KCNH1: variants seen among roughly 807,000 people sequenced by gnomAD.
KCNH1 encodes potassium voltage-gated channel subfamily H member 1.
In KCNH1, 27 loss-of-function variants were observed where a neutral mutation model predicts 69.2. The ratio of observed to expected loss-of-function variants is 0.39; its 90% confidence interval spans 0.29 to 0.54. KCNH1 has a LOEUF of 0.54. Among genes scored for constraint, KCNH1 ranks in the 20% least tolerant of loss-of-function variants. KCNH1 has a pLI of 0.68. For missense variants in KCNH1, 798 were observed against 1,261.6 expected (o/e 0.63, Z 5.57); for synonymous variants, 456 against 487.7 (o/e 0.93, Z 0.86).
At chr1:211,054,611 T>C (rs74524882) in intron 5 of KCNH1, among the ~76,000 whole-genome samples, 3 of 152,036 alleles carry the variant, frequency 2.0e-5, no homozygotes, top group Non-Finnish European at 4.4e-5. Flanking sequence ...AAAACTAAAA[T>C]GCTAGATAAC....
chr1:211,048,429 G>A (rs1690132156), intron 5 of KCNH1, among the ~76,000 whole-genome samples: 1 of 152,108 alleles, frequency 6.6e-6, no homozygotes, highest in African/African-American at 2.4e-5. Flanking sequence ...TATGGAACCA[G>A]CCCAAATGCC....
At chr1:210,830,712 C>T (rs1176225801) in intron 7 of KCNH1, among the ~76,000 whole-genome samples, 4 of 152,288 alleles carry the variant, frequency 2.6e-5, no homozygotes, top group East Asian at 3.9e-4. Context: ...CTGAGTCATT[C>T]GGACCATAAT....
intron 6 of KCNH1, among the ~76,000 whole-genome samples, chr1:210,922,925 C>CA (rs1169796605): frequency 6.6e-6 from 1 of 152,222 alleles, no homozygotes; most frequent in Non-Finnish European, 1.5e-5. Context: ...AATCATCTTT[C>CA]AAACAGTTCT....
At chr1:211,027,347 TC>T (rs1689702209) in intron 5 of KCNH1, among the ~76,000 whole-genome samples, 1 of 152,112 alleles carries the variant, frequency 6.6e-6, no homozygotes, top group Admixed American at 6.5e-5. Flanking sequence ...GGCTCATGTC[TC>T]TAATCCTAAC....
intron 7 of KCNH1, among the ~76,000 whole-genome samples, chr1:210,882,969 G>A (rs1388545804): frequency 1.3e-5 from 2 of 152,164 alleles, no homozygotes; most frequent in Non-Finnish European, 1.5e-5. Context: ...GAAGTATGCA[G>A]CCACAGGAAT....
chr1:210,955,352 T>C (rs1688150503), intron 6 of KCNH1, among the ~76,000 whole-genome samples: 1 of 152,226 alleles, frequency 6.6e-6, no homozygotes, highest in Non-Finnish European at 1.5e-5. Context: ...TCCAGCTTTG[T>C]TCTTTTGGCT....
intron 6 of KCNH1, among the ~76,000 whole-genome samples, chr1:210,982,112 G>T (rs1472727974): frequency 6.6e-6 from 1 of 151,926 alleles, no homozygotes; most frequent in Non-Finnish European, 1.5e-5. Flanking sequence ...CTTTCAAAAA[G>T]TCAATTGCTC....
intron 6 of KCNH1, among the ~76,000 whole-genome samples, chr1:210,959,027 G>C (rs550623798): frequency 6.6e-6 from 1 of 152,254 alleles, no homozygotes; most frequent in African/African-American, 2.4e-5. Context: ...TTCTGCTCTG[G>C]TTTCTCCCCA....
At chr1:210,897,202 G>A (rs1236080820) in intron 7 of KCNH1, among the ~76,000 whole-genome samples, 2 of 152,210 alleles carry the variant, frequency 1.3e-5, no homozygotes, top group African/African-American at 2.4e-5. Flanking sequence ...CTTCAAGTTA[G>A]TGAGGGACCA....
rs368415356 is a variant in KCNH1 at position 210,806,602 on chromosome 1, T to C, written c.1463-2436A>G. Among the ~76,000 whole-genome samples, 5 of 130,856 alleles carry C rather than the reference T, an allele frequency of 3.8e-5. No homozygotes were observed. The East Asian group carries it at 7.0e-4, about 18-fold the overall frequency. 85.8% of individuals were successfully genotyped at this position (130,856 alleles called of 152,430 possible). A position where few individuals can be genotyped will look rare whatever the true frequency, so the allele number is the denominator to read the frequency against. On this transcript the variant is annotated intron_variant, in intron 7 of 10. Coordinates refer to ENST00000271751, the MANE Select transcript of KCNH1 (RefSeq NM_172362.3). ...CTTTTGTACTCTTCTTTGGTTTATT[T>C]GATTCAGCGTATTTTGGGATTCATC...
At chr1:210,819,731 G>A (rs185615945) in intron 7 of KCNH1, among the ~76,000 whole-genome samples, 165 of 152,260 alleles carry the variant, frequency 1.1e-3, no homozygotes, top group Non-Finnish European at 2.0e-3. Flanking sequence ...TAGTGTTGTT[G>A]TTGATGAAAT....
chr1:210,972,125 T>G (rs1688522313), intron 6 of KCNH1, among the ~76,000 whole-genome samples: 1 of 152,114 alleles, frequency 6.6e-6, no homozygotes, highest in Admixed American at 6.6e-5. Flanking sequence ...CAGAGGGGTT[T>G]TTTTCCCTAT....
intron 7 of KCNH1, among the ~76,000 whole-genome samples, chr1:210,888,836 C>G (rs569127089): frequency 2.8e-4 from 42 of 152,200 alleles, no homozygotes; most frequent in African/African-American, 8.7e-4. Context: ...ACATATACCC[C>G]CCCAAGACTA....
intron 6 of KCNH1, among the ~76,000 whole-genome samples, chr1:210,957,798 T>C (rs1413947249): frequency 1.3e-5 from 2 of 152,194 alleles, no homozygotes; most frequent in African/African-American, 4.8e-5. Context: ...ATTTTGGGCC[T>C]ATGTGTGTCT....
At chr1:211,093,678 C>T (rs1022877563) in intron 3 of KCNH1, among the ~76,000 whole-genome samples, 1 of 152,230 alleles carries the variant, frequency 6.6e-6, no homozygotes, top group Non-Finnish European at 1.5e-5. Context: ...TCAGGACATA[C>T]TGCCTTAGAG....
chr1:210,972,606 A>G, intron 6 of KCNH1, among the ~76,000 whole-genome samples: 1 of 152,170 alleles, frequency 6.6e-6, no homozygotes, highest in East Asian at 1.9e-4. Context: ...AAAATGATAG[A>G]TTTTAAAAAT....
intron 7 of KCNH1, among the ~76,000 whole-genome samples, chr1:210,826,270 C>G (rs1685030393): frequency 6.6e-6 from 1 of 152,138 alleles, no homozygotes; most frequent in African/African-American, 2.4e-5. Context: ...CCAGACCCAT[C>G]ATCAGTAGGC....
intron 7 of KCNH1, chr1:210,860,851 CA>C: frequency 1.1e-6 from 1 of 918,272 alleles, no homozygotes; most frequent in Non-Finnish European, 1.8e-6. Flanking sequence ...AAGTACTCAG[CA>C]AGCCCTTGCT....
At position 210,684,004 on chromosome 1, in the gene KCNH1, C is replaced by T. The variant is rs1681344455; in HGVS notation, c.2247G>A (p.Glu749=). The change falls in exon 11 of 11, where the codon GAG becomes GAA. Residue 749 remains glutamate (E), a synonymous_variant. Transcript: ENST00000271751. ...CCCCTCTCTCAGCTGCCAGCCTGGC[C>T]TCTTTCTGCTGTCGGAATCTCTGGA... is the stretch of plus-strand genomic sequence containing the variant. The part of the protein sequence containing the change: ...RLFQRFRQQK[E]ARLAAERGGR... The T allele has an allele frequency of 8.8e-6, 14 of 1,597,668 alleles. No individual in the cohort carries two copies. Among genetic ancestry groups the T allele is most frequent in the Non-Finnish European group, 1.1e-5 (13 of 1,168,344 alleles).
Sources: allele counts gnomAD v4.1 joint callset (sites outside exome capture counted in the v4.1 genomes callset), GRCh38; gene constraint gnomAD v4.1.1; transcripts MANE v1.5; gene names NCBI Gene and HGNC (gene_info 2026-07-23, HGNC 2026-07-21).